CFAP95: variants seen among roughly 807,000 people sequenced by gnomAD.
CFAP95 encodes cilia and flagella associated protein 95.
the CFAP95 span, among the ~76,000 whole-genome samples, chr9:69,899,338 G>A: frequency 6.6e-6 from 1 of 152,224 alleles, no homozygotes; most frequent in Non-Finnish European, 1.5e-5. Flanking sequence ...GTATGCAGAG[G>A]AAATTTATCT....
the CFAP95 span, among the ~76,000 whole-genome samples, chr9:69,865,931 T>C: frequency 6.6e-6 from 1 of 152,152 alleles, no homozygotes; most frequent in East Asian, 1.9e-4. Context: ...ATTGGTTTCA[T>C]CATTATCTGA....
chr9:69,885,009 G>A, the CFAP95 span: 3 of 152,166 alleles, frequency 2.0e-5, no homozygotes, highest in Admixed American at 1.3e-4. Context: ...TTCTAATTTA[G>A]TTGTTTTGTG....
At chr9:69,853,675 A>G in the CFAP95 span, among the ~76,000 whole-genome samples, 1 of 152,186 alleles carries the variant, frequency 6.6e-6, no homozygotes, top group Non-Finnish European at 1.5e-5. Flanking sequence ...TCACATTAAG[A>G]TGGTGTAGGA....
chr9:69,885,970 G>A, the CFAP95 span, among the ~76,000 whole-genome samples: 12 of 152,252 alleles, frequency 7.9e-5, no homozygotes, highest in East Asian at 1.4e-3. Flanking sequence ...ACTGCAGTCC[G>A]AAAATATTAA....
At chr9:69,852,708 T>G in the CFAP95 span, among the ~76,000 whole-genome samples, 2 of 152,128 alleles carry the variant, frequency 1.3e-5, no homozygotes, top group Admixed American at 6.5e-5. Context: ...TCTAATATGG[T>G]TTTGCTCTGT....
chr9:69,880,665 CA>C, the CFAP95 span, among the ~76,000 whole-genome samples: 32 of 152,238 alleles, frequency 2.1e-4, 1 homozygote, highest in South Asian at 1.0e-3. Flanking sequence ...CTTTGTTTTG[CA>C]TATATACCCA....
chr9:69,883,055 C>T, the CFAP95 span, among the ~76,000 whole-genome samples: 2 of 152,116 alleles, frequency 1.3e-5, no homozygotes, highest in Admixed American at 6.5e-5. Flanking sequence ...TAGAAATCAG[C>T]AGTGAAGCCC....
chr9:69,856,203 A>C, the CFAP95 span, among the ~76,000 whole-genome samples: 1 of 152,220 alleles, frequency 6.6e-6, no homozygotes. Context: ...CTTGTGATTT[A>C]CAAAGTGATT....
the CFAP95 span, among the ~76,000 whole-genome samples, chr9:69,884,894 T>A: frequency 6.6e-6 from 1 of 152,222 alleles, no homozygotes; most frequent in African/African-American, 2.4e-5. Context: ...AAAGTTACAT[T>A]TCTAATTTTT....
the CFAP95 span, among the ~76,000 whole-genome samples, chr9:69,873,120 TCAGTAGGTCTTCCTA>T: frequency 6.6e-6 from 1 of 152,130 alleles, no homozygotes. Context: ...AAACTTACAA[TCAGTAGGTCTTCCTA>T]CATAAAGAGT....
At chr9:69,855,117 G>T in the CFAP95 span, among the ~76,000 whole-genome samples, 11 of 152,288 alleles carry the variant, frequency 7.2e-5, no homozygotes, top group East Asian at 1.4e-3. Flanking sequence ...CACTCAGAGG[G>T]TTGCTTTGAG....
the CFAP95 span, among the ~76,000 whole-genome samples, chr9:69,835,580 GC>G: frequency 1.6e-4 from 25 of 152,192 alleles, no homozygotes; most frequent in Admixed American, 6.5e-5. Context: ...GAAAGCCGTT[GC>G]TTTCAGCATT....
the CFAP95 span, among the ~76,000 whole-genome samples, chr9:69,868,886 G>A: frequency 6.7e-6 from 1 of 150,286 alleles, no homozygotes; most frequent in South Asian, 2.1e-4. Flanking sequence ...TGGCCAACAG[G>A]TATTTAAAAA....
chr9:69,860,194 G>T, the CFAP95 span, among the ~76,000 whole-genome samples: 5 of 152,284 alleles, frequency 3.3e-5, no homozygotes, highest in Admixed American at 1.3e-4. Flanking sequence ...ATAAAGAAAA[G>T]AGGTTTATTT....
the CFAP95 span, among the ~76,000 whole-genome samples, chr9:69,887,930 G>T: frequency 2.0e-5 from 3 of 152,156 alleles, no homozygotes; most frequent in Non-Finnish European, 4.4e-5. Flanking sequence ...GCAGAGCCTG[G>T]ACTCCAGCTC....
chr9:69,834,493 G>T, the CFAP95 span, among the ~76,000 whole-genome samples: 2 of 152,134 alleles, frequency 1.3e-5, no homozygotes, highest in African/African-American at 4.8e-5. Flanking sequence ...TGTCCCTTCA[G>T]CTGTTTTCAA....
the CFAP95 span, among the ~76,000 whole-genome samples, chr9:69,826,372 C>T: frequency 2.0e-5 from 3 of 152,160 alleles, no homozygotes; most frequent in Non-Finnish European, 4.4e-5. Flanking sequence ...CAGGTACTAA[C>T]CTGGAAGCAT....
the CFAP95 span, among the ~76,000 whole-genome samples, chr9:69,888,229 A>G: frequency 6.6e-6 from 1 of 152,208 alleles, no homozygotes. Flanking sequence ...AAAAGGTAGC[A>G]TAACCGATTT....
chr9:69,846,328 T>C, the CFAP95 span, among the ~76,000 whole-genome samples: 1 of 152,134 alleles, frequency 6.6e-6, no homozygotes, highest in Admixed American at 6.6e-5. Flanking sequence ...TTAATGAGAA[T>C]GTGTAAATAA....
Sources: allele counts gnomAD v4.1 joint callset (sites outside exome capture counted in the v4.1 genomes callset), GRCh38; gene constraint gnomAD v4.1.1; transcripts MANE v1.5; gene names NCBI Gene and HGNC (gene_info 2026-07-23, HGNC 2026-07-21).